Variants in EDNRB observed in about 807,000 individuals in gnomAD.
The protein encoded by EDNRB is endothelin receptor type B.
EDNRB carries 18 observed loss-of-function variants against 46.4 expected under a neutral mutation model. That is an observed-to-expected ratio of 0.39 (90% CI 0.27 to 0.57). The LOEUF (loss-of-function observed/expected upper bound fraction) is 0.57. Ranked by LOEUF, EDNRB falls within the 20% of genes least tolerant of loss-of-function variation. The pLI is 0.61. For missense variants in EDNRB, 434 were observed against 537.5 expected (o/e 0.81, Z 1.90); for synonymous variants, 213 against 204.9 (o/e 1.04, Z -0.34).
intron 1 of EDNRB, among the ~76,000 whole-genome samples, chr13:77,973,362 T>G (rs1040808963): frequency 4.6e-5 from 7 of 152,208 alleles, no homozygotes; most frequent in Admixed American, 1.3e-4. Context: ...TTATCTAATT[T>G]TTAATATTTG....
chr13:77,908,899 A>T (rs933515811), intron 1 of EDNRB, among the ~76,000 whole-genome samples: 3 of 152,020 alleles, frequency 2.0e-5, no homozygotes, highest in African/African-American at 7.2e-5. Flanking sequence ...CCTAACATTG[A>T]TCAAATATGA....
chr13:77,920,313 G>A (rs1327952838), upstream of EDNRB, among the ~76,000 whole-genome samples: 5 of 152,214 alleles, frequency 3.3e-5, no homozygotes, highest in African/African-American at 1.2e-4. Flanking sequence ...TTACCGCAGA[G>A]AGGAAAATAA....
At chr13:77,974,382 G>A (rs1404737946) in intron 1 of EDNRB, among the ~76,000 whole-genome samples, 1 of 152,078 alleles carries the variant, frequency 6.6e-6, no homozygotes, top group African/African-American at 2.4e-5. Context: ...GCCATCCACG[G>A]GCTACTGGGT....
intron 1 of EDNRB, among the ~76,000 whole-genome samples, chr13:77,973,924 C>A (rs975316647): frequency 6.9e-5 from 10 of 143,982 alleles, no homozygotes; most frequent in Non-Finnish European, 1.5e-4. Flanking sequence ...TAAATTCTGC[C>A]CCCCCTTTTT....
chr13:77,948,035 C>T lies in EDNRB; in HGVS notation c.-52+27312G>A, dbSNP rs184584260. Among the ~76,000 whole-genome samples, 170 of 152,228 alleles carry T rather than the reference C, an allele frequency of 1.1e-3. 1 individual carries two copies. The highest frequency in any genetic ancestry group is 8.4e-4 in the Non-Finnish European group (57 of 68,012). On this transcript the variant is annotated intron_variant, in intron 1 of 7. Coordinates refer to the EDNRB transcript ENST00000646948. ...GAGAAAATAGTTACCTGCTTTTATTCTTAAAATATCTAAGCCTTAATTAGA... is the reference window on the plus strand; with the variant it reads ...GAGAAAATAGTTACCTGCTTTTATTTTTAAAATATCTAAGCCTTAATTAGA...
intron 1 of EDNRB, among the ~76,000 whole-genome samples, chr13:77,954,492 ATTTAT>A (rs1566335505): frequency 2.8e-5 from 4 of 143,024 alleles, no homozygotes; most frequent in Admixed American, 6.9e-5. Flanking sequence ...TTATTTATTT[ATTTAT>A]TTATTTATTT....
At position 77,916,198 on chromosome 13, in the gene EDNRB, C is replaced by A. The variant is rs189744899; in HGVS notation, c.483+1893G>T. Among the ~76,000 whole-genome samples, 6 of 152,320 alleles carry A rather than the reference C, an allele frequency of 3.9e-5. No individual in the cohort carries two copies. In the East Asian group the frequency reaches 1.2e-3, roughly 29 times the overall value. ...AACTTTCATAAAATCCTGTGCCAAC[C>A]TAGCAAAACTAGATTTTAATCTCCC... On this transcript the variant is annotated intron_variant, in intron 1 of 6. Coordinates refer to ENST00000646607, the MANE Select transcript of EDNRB (RefSeq NM_001122659.3).
intron 1 of EDNRB, among the ~76,000 whole-genome samples, chr13:77,940,350 G>T (rs1039198340): frequency 6.6e-6 from 1 of 151,900 alleles, no homozygotes; most frequent in Non-Finnish European, 1.5e-5. Flanking sequence ...CATAGAGAAG[G>T]TGATAATGGG....
At chr13:77,921,200 G>A (rs904389956), upstream of EDNRB, among the ~76,000 whole-genome samples, 4 of 152,082 alleles carry the variant, frequency 2.6e-5, no homozygotes, top group Non-Finnish European at 5.9e-5. Flanking sequence ...CCCACTACCT[G>A]CCACAAAATG....
Position 77,917,262 on chromosome 13 carries a change from T to C in EDNRB, c.483+829A>G, listed in dbSNP as rs73548630. 9.5e-4 allele frequency among the ~76,000 whole-genome samples: 144 copies of C among 152,322 alleles called. 1 individual carries two copies. The highest frequency in any genetic ancestry group is 3.4e-3 in the African/African-American group (142 of 41,570). ...TCCTACCAGTCATCTGTAAACTAAT[T>C]GTAATATCTACTTGTGGGCTGCTGG... On this transcript the variant is annotated intron_variant, in intron 1 of 6. Coordinates refer to ENST00000646607, the MANE Select transcript of EDNRB (RefSeq NM_001122659.3).
At chr13:77,901,011 T>C (rs1227758108) in intron 4 of EDNRB, 47 bp downstream of exon 4, 1 of 1,595,584 alleles carries the variant, frequency 6.3e-7, no homozygotes, top group East Asian at 2.2e-5. Flanking sequence ...TTCATATTCA[T>C]AATTATAAAT....
intron 6 of EDNRB, 96 bp downstream of exon 6, chr13:77,899,763 T>G: frequency 1.1e-6 from 1 of 912,694 alleles, no homozygotes; most frequent in Non-Finnish European, 1.7e-6. Context: ...TATAAGATAA[T>G]TTACTAAATC....
Position 77,897,068 on chromosome 13 carries a change from TA to T in EDNRB, c.*1131del, listed in dbSNP as rs1236461368. 7.1e-6 allele frequency: 7 copies of T among 986,126 alleles called. No homozygotes were observed. Among genetic ancestry groups the T allele is most frequent in the Non-Finnish European group, 8.4e-6 (7 of 830,600 alleles). 61.1% of individuals were successfully genotyped at this position (986,126 alleles called of 1,614,324 possible). Reference sequence around the variant, plus strand: ...AAAAATAGTATTTTAACTATAGCATTATACATATGCTAGAAACCATTTTAAC... The same window carrying T: ...AAAAATAGTATTTTAACTATAGCATTTACATATGCTAGAAACCATTTTAAC... On this transcript the variant is annotated 3_prime_UTR_variant, in exon 7 of 7. Transcript: ENST00000646607.
intron 1 of EDNRB, among the ~76,000 whole-genome samples, chr13:77,942,709 A>G (rs1353791054): frequency 1.3e-5 from 2 of 152,170 alleles, no homozygotes; most frequent in Non-Finnish European, 2.9e-5. Context: ...TACATAATTT[A>G]TAATTTTTCT....
chr13:77,935,564 G>A (rs1035430757), intron 1 of EDNRB, among the ~76,000 whole-genome samples: 1 of 152,180 alleles, frequency 6.6e-6, no homozygotes, highest in African/African-American at 2.4e-5. Context: ...AGGTGTTGGG[G>A]TTTGAGAGAT....
chr13:77,953,544 G>C (rs1173141499), intron 1 of EDNRB, among the ~76,000 whole-genome samples: 1 of 152,120 alleles, frequency 6.6e-6, no homozygotes, highest in African/African-American at 2.4e-5. Context: ...AAGAGATTGG[G>C]CTTTCTACTA....
At chr13:77,901,978 C>T (rs1475635527) in intron 3 of EDNRB, among the ~76,000 whole-genome samples, 1 of 151,934 alleles carries the variant, frequency 6.6e-6, no homozygotes, top group Non-Finnish European at 1.5e-5. Context: ...AGCCAGCCCC[C>T]TTTGCATTAA....
chr13:77,969,624 C>T (rs993068479), intron 1 of EDNRB, among the ~76,000 whole-genome samples: 3 of 152,092 alleles, frequency 2.0e-5, no homozygotes, highest in Admixed American at 6.6e-5. Context: ...TGATCCGAGG[C>T]CCCTGTTCAC....
At chr13:77,919,637 C>A, upstream of EDNRB, 1 of 1,577,546 alleles carries the variant, frequency 6.3e-7, no homozygotes, top group South Asian at 1.1e-5. Context: ...CATCAATCAC[C>A]GCCAGACTCC....
Sources: gnomAD v4.1 joint callset for allele counts (sites outside exome capture counted in the v4.1 genomes callset) on GRCh38, gnomAD v4.1.1 for gene constraint, MANE v1.5 for transcripts, NCBI Gene and HGNC (gene_info 2026-07-23, HGNC 2026-07-21) for gene names.